Variants in ZNF560 observed in about 807,000 individuals in gnomAD.
ZNF560 encodes zinc finger protein 560.
In ZNF560, 54 loss-of-function variants were observed where a neutral mutation model predicts 81.8. That is an observed-to-expected ratio of 0.66 (90% CI 0.53 to 0.83). The LOEUF (loss-of-function observed/expected upper bound fraction) is 0.83. Ranked by LOEUF, ZNF560 falls within the 40% of genes least tolerant of loss-of-function variation. The pLI is 0.00. For synonymous variants in ZNF560, 321 were observed against 317.9 expected, an observed-to-expected ratio of 1.01 and a Z score of -0.10; for missense variants, 940 against 932.4, an observed-to-expected ratio of 1.01 and a Z score of -0.11.
At chr19:9,456,277 G>C in the ZNF560 span, among the ~76,000 whole-genome samples, 2 of 152,206 alleles carry the variant, frequency 1.3e-5, no homozygotes, top group Admixed American at 6.5e-5. Flanking sequence ...AGCAGGAATG[G>C]TAGGACTACT....
At chr19:9,499,481 C>G (rs1306486451), upstream of ZNF560, among the ~76,000 whole-genome samples, 2 of 152,234 alleles carry the variant, frequency 1.3e-5, no homozygotes, top group African/African-American at 4.8e-5. Context: ...CGTGAGCCAT[C>G]ATGCACCATG....
Position 9,467,435 on chromosome 19 carries a change from A to G in ZNF560, c.1512T>C (p.Phe504=). 1 of 1,614,136 alleles carries G rather than the reference A, an allele frequency of 6.2e-7. No homozygotes were observed. Among genetic ancestry groups the G allele is most frequent in the South Asian group, 1.1e-5 (1 of 91,080 alleles). ...GKVFVSFSSL[F]AHLRTHTGEK... ...CACCAGTGTGAGTTCTCAAATGAGC[A>G]AAAAGAGATGAGAAAGAAACAAAGA... is the stretch of plus-strand genomic sequence containing the variant. Residue 504 remains phenylalanine (F), a synonymous_variant, in exon 10 of 10, where the codon TTT becomes TTC. Transcript: ENST00000301480.
intron 2 of ZNF560, among the ~76,000 whole-genome samples, chr19:9,479,018 T>C (rs915127877): frequency 6.6e-6 from 1 of 151,888 alleles, no homozygotes; most frequent in African/African-American, 2.4e-5. Flanking sequence ...ATACAAAAAT[T>C]AGCCAGGCAT....
chr19:9,489,884 C>T lies in ZNF560; in HGVS notation c.-57+8244G>A, dbSNP rs117971693. Among the ~76,000 whole-genome samples the T allele has an allele frequency of 5.4e-3, 830 of 152,306 alleles. 7 individuals are homozygous for T. Among genetic ancestry groups the T allele is most frequent in the Admixed American group, 8.2e-3 (126 of 15,294 alleles). ...GGATTACAGGTGTGAGCCACTGCAC[C>T]CGGCCAGTCTCTTGTATTTCTTTAT... On this transcript the variant is annotated intron_variant, in intron 2 of 9. Coordinates refer to ENST00000301480, the MANE Select transcript of ZNF560 (RefSeq NM_152476.3).
downstream of ZNF560, among the ~76,000 whole-genome samples, chr19:9,464,991 T>C (rs936439181): frequency 2.0e-5 from 3 of 152,182 alleles, no homozygotes; most frequent in Non-Finnish European, 4.4e-5. Context: ...CATGAAGTTT[T>C]TCTCCACTAT....
Position 9,468,187 on chromosome 19 carries a change from G to C in ZNF560, c.760C>G (p.Leu254Val), listed in dbSNP as rs1415576314. ...CIQYAKDLLS[L>V]YNKTSTIRKV... is the part of the protein sequence containing the mutation. ...CTTATGGTAGAGGTTTTATTGTATAGAGAAAGGAGGTCTTTTGCATACTGA... is the reference window on the plus strand; with the variant it reads ...CTTATGGTAGAGGTTTTATTGTATACAGAAAGGAGGTCTTTTGCATACTGA... The change falls in exon 10 of 10, where the codon CTA (leucine) becomes GTA (valine). Residue 254 changes from leucine (L) to valine (V), a missense_variant. Physicochemically the swap from Leu to Val is conservative, Grantham distance 32. Coordinates refer to ENST00000301480, the MANE Select transcript of ZNF560 (RefSeq NM_152476.3). 6.2e-7 allele frequency: 1 copy of C among 1,614,154 alleles called. No individual in the cohort carries two copies. The highest frequency in any genetic ancestry group is 1.1e-5 in the South Asian group (1 of 91,074).
chr19:9,469,915 A>G, intron 7 of ZNF560: 1 of 544,440 alleles, frequency 1.8e-6, no homozygotes, highest in East Asian at 2.9e-5. Flanking sequence ...GTTTGCCCCA[A>G]GAAACAAGCA....
chr19:9,480,975 T>C (rs1229172013), intron 2 of ZNF560, among the ~76,000 whole-genome samples: 1 of 151,456 alleles, frequency 6.6e-6, no homozygotes. Flanking sequence ...TCCCAGCTAT[T>C]CAGGAGGCTG....
At chr19:9,476,825 T>A (rs985842756) in intron 2 of ZNF560, among the ~76,000 whole-genome samples, 1 of 152,190 alleles carries the variant, frequency 6.6e-6, no homozygotes, top group Non-Finnish European at 1.5e-5. Context: ...GAGAACAGAC[T>A]AATATGGTTA....
rs569651150 is a variant in ZNF560, at chr19:9,494,699, G to A, written c.-57+3429C>T. ...TGCAGTGAGCCAAGATCACGCCACT[G>A]CACTCCACCCTGGGCGACAAGAGCA... is the stretch of plus-strand genomic sequence containing the variant. On this transcript the variant is annotated intron_variant, in intron 2 of 9. Transcript: ENST00000301480. 4.0e-5 allele frequency among the ~76,000 whole-genome samples: 6 copies of A among 151,640 alleles called. No homozygotes were observed. In the East Asian group the frequency reaches 1.2e-3, roughly 29 times the overall value.
rs1411612980 is a variant in ZNF560, at chr19:9,498,577, G to A, written c.-184C>T. On this transcript the variant is annotated 5_prime_UTR_variant, in exon 1 of 10. Transcript: ENST00000301480. ...ACCAGACAACACAAAGGAAAAAGTG[G>A]CTCTGAGGAAACAGGCGCCAGCGAC... 1.3e-5 allele frequency: 2 copies of A among 152,308 alleles called. No homozygotes were observed. The highest frequency in any genetic ancestry group is 1.9e-4 in the East Asian group (1 of 5,196). 9.4% of individuals were successfully genotyped at this position (152,308 alleles called of 1,614,324 possible).
At chr19:9,503,409 A>G (rs979374016), upstream of ZNF560, among the ~76,000 whole-genome samples, 12 of 152,204 alleles carry the variant, frequency 7.9e-5, no homozygotes, top group Admixed American at 3.9e-4. Flanking sequence ...TCCAAGAACA[A>G]GGCACAAGCA....
chr19:9,503,727 CAG>C, the ZNF560 span, among the ~76,000 whole-genome samples: 1,482 of 152,144 alleles, frequency 9.7e-3, 27 homozygotes, highest in African/African-American at 0.033. Flanking sequence ...TTTGTAGAGA[CAG>C]GGGTTCACTA....
intron 2 of ZNF560, among the ~76,000 whole-genome samples, chr19:9,476,302 T>C (rs2073201510): frequency 6.6e-6 from 1 of 151,984 alleles, no homozygotes; most frequent in Non-Finnish European, 1.5e-5. Flanking sequence ...TTTGTTTGTT[T>C]TTGTTTTTGA....
chr19:9,482,873 C>T (rs946223578), intron 2 of ZNF560, among the ~76,000 whole-genome samples: 2 of 151,416 alleles, frequency 1.3e-5, no homozygotes, highest in African/African-American at 4.9e-5. Flanking sequence ...CTGTGTTGGC[C>T]GGGCTGGTCT....
At chr19:9,457,137 G>T in the ZNF560 span, among the ~76,000 whole-genome samples, 2 of 152,170 alleles carry the variant, frequency 1.3e-5, no homozygotes, top group African/African-American at 4.8e-5. Flanking sequence ...GGAACATATA[G>T]CTCAAACTCT....
chr19:9,460,073 T>G, the ZNF560 span, among the ~76,000 whole-genome samples: 2 of 152,202 alleles, frequency 1.3e-5, no homozygotes, highest in Non-Finnish European at 2.9e-5. Context: ...GCAGAGGTTA[T>G]GCTTGTGTTT....
the ZNF560 span, among the ~76,000 whole-genome samples, chr19:9,459,848 G>A: frequency 6.6e-6 from 1 of 152,090 alleles, no homozygotes; most frequent in African/African-American, 2.4e-5. Flanking sequence ...AGTGCAGCGG[G>A]GCAGCCTTCC....
chr19:9,470,462 T>A lies in ZNF560; in HGVS notation c.378A>T (p.Leu126Phe). Reference protein sequence around the residue: ...AVEFTQEEWTLLDPAQRNLYS... With the variant: ...AVEFTQEEWTFLDPAQRNLYS... Reference sequence around the variant, plus strand: ...ACAGGTTTCTCTGAGCTGGGTCCAGTAAAGTCCACTCTTCCTGGGTGAACT... The same window carrying A: ...ACAGGTTTCTCTGAGCTGGGTCCAGAAAAGTCCACTCTTCCTGGGTGAACT... The change falls in exon 7 of 10, where the codon TTA becomes TTT. Residue 126 changes from leucine to phenylalanine, a missense_variant. By Grantham distance (22) the Leu-to-Phe change is conservative. Transcript: ENST00000301480. The A allele has an allele frequency of 6.2e-7, 1 of 1,614,162 alleles. No individual in the cohort carries two copies. Among genetic ancestry groups the A allele is most frequent in the Non-Finnish European group, 8.5e-7 (1 of 1,180,016 alleles).
Sources: allele counts gnomAD v4.1 joint callset (sites outside exome capture counted in the v4.1 genomes callset), GRCh38; gene constraint gnomAD v4.1.1; transcripts MANE v1.5; gene names NCBI Gene and HGNC (gene_info 2026-07-23, HGNC 2026-07-21).